The following KCNIP1 variants were observed in gnomAD, a reference collection of about 807,000 sequenced individuals.
KCNIP1 encodes potassium voltage-gated channel interacting protein 1.
A neutral mutation model predicts 33.0 loss-of-function variants in KCNIP1; 18 were observed. The observed-to-expected ratio is 0.55, with a 90% CI of 0.38 to 0.81. The LOEUF is 0.81. Among genes scored for constraint, KCNIP1 ranks in the 30% least tolerant of loss-of-function variants. The pLI is 0.00. For synonymous variants in KCNIP1, 93 were observed against 98.3 expected (o/e 0.95, Z 0.32); for missense variants, 238 against 271.6 (o/e 0.88, Z 0.87).
rs189237765 is a variant in KCNIP1, at chr5:170,513,337, G to A, written c.61+8704G>A. On this transcript the variant is annotated intron_variant, in intron 1 of 7. Coordinates refer to ENST00000328939, the MANE Select transcript of KCNIP1 (RefSeq NM_014592.4). The stretch of plus-strand genomic sequence containing the variant: ...AGCTCAAGTGTTAGGCCTGACATCC[G>A]AACCCCAGCCCTGGTCATCTCATAT... 1.6e-3 allele frequency among the ~76,000 whole-genome samples: 241 copies of A among 152,308 alleles called. 1 individual carries two copies. Among genetic ancestry groups the A allele is most frequent in the Non-Finnish European group, 1.6e-3 (106 of 68,028 alleles).
At chr5:170,359,172 G>A (rs549035284) in intron 1 of KCNIP1, among the ~76,000 whole-genome samples, 5 of 152,266 alleles carry the variant, frequency 3.3e-5, no homozygotes, top group Middle Eastern at 3.4e-3. Flanking sequence ...CAGGCCCAAA[G>A]CACCTGCCAG....
At chr5:170,485,939 C>G (rs574218884) in intron 1 of KCNIP1, 1 of 152,306 alleles carries the variant, frequency 6.6e-6, no homozygotes, top group Non-Finnish European at 1.5e-5. Flanking sequence ...CGTCACCCCA[C>G]GCGTTTTCTC....
At chr5:170,462,087 T>G (rs1379045172) in intron 1 of KCNIP1, among the ~76,000 whole-genome samples, 1 of 151,724 alleles carries the variant, frequency 6.6e-6, no homozygotes, top group Admixed American at 6.6e-5. Context: ...CAAAAGCAAA[T>G]GCAATAAAAA....
intron 5 of KCNIP1, 115 bp downstream of exon 5, chr5:170,722,935 G>A (rs1433312080): frequency 4.5e-6 from 3 of 671,146 alleles, no homozygotes; most frequent in Non-Finnish European, 7.8e-6. Flanking sequence ...CTCTGCTTTG[G>A]GGCTAACAGA....
chr5:170,493,028 G>A (rs140962587), intron 1 of KCNIP1, among the ~76,000 whole-genome samples: 1,932 of 152,270 alleles, frequency 0.013, 33 homozygotes, highest in African/African-American at 0.042. Context: ...GATTACAGGC[G>A]TAAGCCACCT....
At chr5:170,606,582 C>T (rs1407684651) in intron 1 of KCNIP1, among the ~76,000 whole-genome samples, 1 of 152,116 alleles carries the variant, frequency 6.6e-6, no homozygotes, top group Non-Finnish European at 1.5e-5. Flanking sequence ...CAGAAGGTGG[C>T]CATCTCAAAT....
chr5:170,690,231 G>T (rs1178701531), intron 1 of KCNIP1, among the ~76,000 whole-genome samples: 3 of 152,160 alleles, frequency 2.0e-5, no homozygotes, highest in East Asian at 1.9e-4. Context: ...CCAACACAAA[G>T]GTTTCCAACT....
At chr5:170,446,414 CA>C (rs11341637) in intron 1 of KCNIP1, among the ~76,000 whole-genome samples, 104,531 of 148,528 alleles carry the variant, frequency 0.7, 36,964 homozygotes, top group African/African-American at 0.77. Flanking sequence ...ACCTTGCTGA[CA>C]AAAAAAAAAA....
intron 1 of KCNIP1, among the ~76,000 whole-genome samples, chr5:170,667,312 C>CA (rs35041879): frequency 0.4 from 55,031 of 136,490 alleles, 10,577 homozygotes; most frequent in East Asian, 0.55. Flanking sequence ...AACTCCGTCT[C>CA]AAAAAAAAAA....
intron 1 of KCNIP1, among the ~76,000 whole-genome samples, chr5:170,675,597 G>A (rs1337379721): frequency 1.3e-5 from 2 of 152,200 alleles, no homozygotes; most frequent in Admixed American, 6.5e-5. Context: ...CTCCAGCCTG[G>A]CAACAGAGCA....
intron 1 of KCNIP1, among the ~76,000 whole-genome samples, chr5:170,581,092 T>A (rs1757778471): frequency 2.6e-5 from 4 of 152,166 alleles, no homozygotes. Flanking sequence ...TAAAGGTAGG[T>A]ATTATTCCTC....
chr5:170,415,240 G>A (rs1246955893), intron 1 of KCNIP1, among the ~76,000 whole-genome samples: 1 of 152,122 alleles, frequency 6.6e-6, no homozygotes, highest in East Asian at 1.9e-4. Flanking sequence ...ATTTCTTCCT[G>A]CTTTTGTGTT....
chr5:170,490,363 C>G (rs1210517085), intron 1 of KCNIP1, among the ~76,000 whole-genome samples: 1 of 152,206 alleles, frequency 6.6e-6, no homozygotes, highest in African/African-American at 2.4e-5. Flanking sequence ...AGGGCAACTA[C>G]AATTGAGAAG....
chr5:170,382,344 ACT>A (rs1345920218), intron 1 of KCNIP1, among the ~76,000 whole-genome samples: 1 of 151,840 alleles, frequency 6.6e-6, no homozygotes, highest in Non-Finnish European at 1.5e-5. Flanking sequence ...GTTTTTTAAG[ACT>A]CTTACAGGGT....
At chr5:170,554,255 C>T (rs1480317203) in intron 1 of KCNIP1, among the ~76,000 whole-genome samples, 1 of 152,084 alleles carries the variant, frequency 6.6e-6, no homozygotes, top group African/African-American at 2.4e-5. Flanking sequence ...GCAGGTGGCC[C>T]AGAATGGGGA....
At chr5:170,488,609 C>T (rs1757143847) in intron 1 of KCNIP1, among the ~76,000 whole-genome samples, 1 of 152,238 alleles carries the variant, frequency 6.6e-6, no homozygotes. Flanking sequence ...GTGCTCCCAG[C>T]AGCGGGTGTT....
chr5:170,653,123 A>G (rs1045289903), intron 1 of KCNIP1, among the ~76,000 whole-genome samples: 2 of 152,362 alleles, frequency 1.3e-5, no homozygotes, highest in East Asian at 3.9e-4. Context: ...TCTGCTGGAC[A>G]TGCAGACAGC....
chr5:170,454,191 C>T (rs1454199612), intron 1 of KCNIP1, among the ~76,000 whole-genome samples: 4 of 152,204 alleles, frequency 2.6e-5, no homozygotes, highest in Non-Finnish European at 5.9e-5. Flanking sequence ...AAACGTCCTG[C>T]AGTTTTAGAA....
intron 1 of KCNIP1, among the ~76,000 whole-genome samples, chr5:170,460,709 C>T (rs1162972116): frequency 2.6e-5 from 4 of 151,908 alleles, no homozygotes; most frequent in Non-Finnish European, 5.9e-5. Flanking sequence ...TAAAAGTCAT[C>T]TATGACAAAC....
Sources: gnomAD v4.1 joint callset for allele counts (sites outside exome capture counted in the v4.1 genomes callset) on GRCh38, gnomAD v4.1.1 for gene constraint, MANE v1.5 for transcripts, NCBI Gene and HGNC (gene_info 2026-07-23, HGNC 2026-07-21) for gene names.